Variants in ZNF284 observed in about 807,000 individuals in gnomAD.
The protein encoded by ZNF284 is zinc finger protein 284.
In ZNF284, 12 loss-of-function variants were observed where a neutral mutation model predicts 12.9. The ratio of observed to expected loss-of-function variants is 0.93; its 90% CI spans 0.60 to 1.51. The LOEUF (loss-of-function observed/expected upper bound fraction) is 1.51. ZNF284 is among the 40% of genes most tolerant of loss of function. ZNF284 has a pLI of 0.00. For missense variants in ZNF284, 667 were observed against 707.3 expected (o/e 0.94, Z 0.65); for synonymous variants, 225 against 236.5 (o/e 0.95, Z 0.45).
chr19:44,083,217 A>G (rs537317337), intron 4 of ZNF284, among the ~76,000 whole-genome samples: 2 of 151,792 alleles, frequency 1.3e-5, no homozygotes, highest in Non-Finnish European at 2.9e-5. Flanking sequence ...GGCAGATAGC[A>G]TGAGGCCAGG....
At chr19:44,074,379 AAT>A (rs1474490737) in intron 1 of ZNF284, among the ~76,000 whole-genome samples, 1 of 152,150 alleles carries the variant, frequency 6.6e-6, no homozygotes, top group African/African-American at 2.4e-5. Flanking sequence ...AAAAAAAAAA[AAT>A]ATTTAACGTT....
chr19:44,074,294 A>G (rs4550576), intron 1 of ZNF284, among the ~76,000 whole-genome samples: 130,195 of 151,986 alleles, frequency 0.86, 56,204 homozygotes, highest in African/African-American at 0.9. Context: ...CGGAGGTTGC[A>G]GTGAGCCAAG....
chr19:44,089,319 A>T lies in ZNF284; in HGVS notation c.*2059A>T, dbSNP rs890224156. On this transcript the variant is annotated 3_prime_UTR_variant, in exon 5 of 5. Coordinates refer to ENST00000421176, the MANE Select transcript of ZNF284 (RefSeq NM_001037813.4). ...TCTTCTTTAGTTTCTATAACAAAAT[A>T]GTACACTGTTTCCACAAACTTGGGA... 1 of 152,138 alleles carries T rather than the reference A, an allele frequency of 6.6e-6. No individual in the cohort carries two copies. The highest frequency in any genetic ancestry group is 2.4e-5 in the African/African-American group (1 of 41,410). The allele number at this position is 152,138 out of a possible 1,614,324, so 9.4% of individuals were successfully genotyped here. A position where few individuals can be genotyped will look rare whatever the true frequency, so the allele number is the denominator to read the frequency against.
intron 2 of ZNF284, among the ~76,000 whole-genome samples, chr19:44,076,732 T>C (rs1967033489): frequency 6.6e-6 from 1 of 152,196 alleles, no homozygotes; most frequent in East Asian, 1.9e-4. Flanking sequence ...TTGATACTTA[T>C]CTAATTTAAA....
At chr19:44,072,810 C>T (rs1367856634) in intron 1 of ZNF284, among the ~76,000 whole-genome samples, 1 of 152,216 alleles carries the variant, frequency 6.6e-6, no homozygotes, top group Non-Finnish European at 1.5e-5. Context: ...TCCATTTCCA[C>T]GAAGGGAGAG....
chr19:44,077,721 G>A (rs781450803), intron 2 of ZNF284, among the ~76,000 whole-genome samples: 2 of 151,904 alleles, frequency 1.3e-5, no homozygotes, highest in Non-Finnish European at 2.9e-5. Flanking sequence ...AACCTGCTGA[G>A]GTTCAGAGAG....
intron 2 of ZNF284, among the ~76,000 whole-genome samples, chr19:44,079,184 T>C (rs1967078606): frequency 6.6e-6 from 1 of 152,220 alleles, no homozygotes. Context: ...TAAAATTAAA[T>C]ATTCATTATT....
Position 44,087,415 on chromosome 19 carries a change from G to T in ZNF284, c.*155G>T. The T allele has an allele frequency of 1.7e-6, 1 of 588,040 alleles. No individual in the cohort carries two copies. The highest frequency in any genetic ancestry group is 2.7e-6 in the Non-Finnish European group (1 of 367,108). The allele number at this position is 588,040 out of a possible 1,614,324, so 36.4% of individuals were successfully genotyped here. A position where few individuals can be genotyped will look rare whatever the true frequency, so the allele number is the denominator to read the frequency against. ...GTGCTTTGAACGTTCAAAAACTGCT[G>T]TTCTAGTTATTTGAAAATAAGTTAT... On this transcript the variant is annotated 3_prime_UTR_variant, in exon 5 of 5. Coordinates refer to ENST00000421176, the MANE Select transcript of ZNF284 (RefSeq NM_001037813.4).
At chr19:44,076,286 T>C (rs1375677513) in intron 1 of ZNF284, 36 bp from the exon 2 acceptor site, 4 of 1,204,244 alleles carry the variant, frequency 3.3e-6, no homozygotes, top group Admixed American at 2.2e-5. Context: ...CCTTCATGTC[T>C]CTTTTTTTTT....
In ZNF284 at chr19:44,086,974, G is replaced by A. The variant is rs368080163; in HGVS notation, c.1496G>A (p.Arg499His). The change falls in exon 5 of 5, where the codon CGT becomes CAT. Residue 499 changes from arginine to histidine, a missense_variant. By Grantham distance (29) the Arg-to-His change is conservative. Coordinates refer to ENST00000421176, the MANE Select transcript of ZNF284 (RefSeq NM_001037813.4). ...AGGTTTACTGAGAATTCAAAACTTC[G>A]TTTCCATCAAAGAATTCACACTGGA... is the stretch of plus-strand genomic sequence containing the variant. ...GKRFTENSKL[R>H]FHQRIHTGEK... The A allele has an allele frequency of 2.0e-5, 32 of 1,613,980 alleles. No individual in the cohort carries two copies. The highest frequency in any genetic ancestry group is 6.7e-5 in the East Asian group (3 of 44,878).
rs1967242950 is a variant in ZNF284, at chr19:44,086,240, A to G, written c.762A>G (p.Thr254=). ...SGMYVHCKLH[T]GEKPHICEEC... ...TGTATGTTCATTGCAAATTACACAC[A>G]GGAGAAAAACCTCATATTTGTGAGG... Residue 254 remains threonine, a synonymous_variant, in exon 5 of 5, where the codon ACA becomes ACG. Transcript: ENST00000421176. The G allele has an allele frequency of 3.7e-6, 6 of 1,614,130 alleles. No individual in the cohort carries two copies. Among genetic ancestry groups the G allele is most frequent in the Non-Finnish European group, 5.1e-6 (6 of 1,180,046 alleles).
rs193163502 is a variant in ZNF284, at chr19:44,082,067, G to A, written c.197G>A (p.Trp66Ter). The A allele has an allele frequency of 1.2e-6, 2 of 1,613,380 alleles. No individual in the cohort carries two copies. The highest frequency in any genetic ancestry group is 2.2e-5 in the East Asian group (1 of 44,820). ...CACTTCCAAAGAGAAGAAAAGTTTT[G>A]GATCATGGAGACAGCAACCCAAAGA... ...TFHFQREEKF[W>*]IMETATQREG... The change falls in exon 4 of 5, where the codon TGG becomes TAG. Residue 66 changes from tryptophan (W) to a stop codon, truncating the protein, a stop_gained. Coordinates refer to ENST00000421176, the MANE Select transcript of ZNF284 (RefSeq NM_001037813.4). LOFTEE classifies it low-confidence loss of function (END_TRUNC).
chr19:44,073,300 T>C (rs1441158325), intron 1 of ZNF284, among the ~76,000 whole-genome samples: 1 of 152,098 alleles, frequency 6.6e-6, no homozygotes, highest in African/African-American at 2.4e-5. Flanking sequence ...TGGAATCTAG[T>C]GGGGAAAGCA....
At chr19:44,076,239 C>T (rs1967023593) in intron 1 of ZNF284, 83 bp from the exon 2 acceptor site, 1 of 664,488 alleles carries the variant, frequency 1.5e-6, no homozygotes, top group African/African-American at 1.8e-5. Flanking sequence ...TAATTCACAA[C>T]ACATGTTCAT....
chr19:44,086,595 T>C lies in ZNF284; in HGVS notation c.1117T>C (p.Cys373Arg). 1.2e-6 allele frequency: 2 copies of C among 1,614,204 alleles called. No homozygotes were observed. The highest frequency in any genetic ancestry group is 1.1e-5 in the South Asian group (1 of 91,088). ...MDHTGDKPYN[C>R]NVCGKGFRWS... ...CCATACAGGAGACAAACCATATAAT[T>C]GTAATGTATGTGGGAAGGGCTTCAG... The change falls in exon 5 of 5, where the codon TGT becomes CGT. Residue 373 changes from cysteine to arginine, a missense_variant. Cys to Arg is a radical substitution (Grantham distance 180). Transcript: ENST00000421176.
intron 4 of ZNF284, among the ~76,000 whole-genome samples, chr19:44,083,120 A>C (rs1967153919): frequency 2.0e-5 from 3 of 151,974 alleles, no homozygotes; most frequent in Admixed American, 6.6e-5. Flanking sequence ...TATCATGAGA[A>C]AGGCCTTCTC....
At chr19:44,082,286 C>T (rs1206005397) in intron 4 of ZNF284, among the ~76,000 whole-genome samples, 181 bp downstream of exon 4, 1 of 152,158 alleles carries the variant, frequency 6.6e-6, no homozygotes, top group Non-Finnish European at 1.5e-5. Flanking sequence ...CTGTTTTCCT[C>T]ATAGCAGCCA....
chr19:44,088,133 GA>G lies in ZNF284; in HGVS notation c.*875del, dbSNP rs1455140911. On this transcript the variant is annotated 3_prime_UTR_variant, in exon 5 of 5. Transcript: ENST00000421176. ...TCACCACATTGGCCAGGCTAGCCTT[GA>G]ACTCCCAAACTCAAATGGTCCACCT... 2 of 152,104 alleles carry G rather than the reference GA, an allele frequency of 1.3e-5. No individual in the cohort carries two copies. The highest frequency in any genetic ancestry group is 1.5e-5 in the Non-Finnish European group (1 of 68,048). The allele number at this position is 152,104 out of a possible 1,614,324, so 9.4% of individuals were successfully genotyped here.
intron 1 of ZNF284, among the ~76,000 whole-genome samples, chr19:44,075,911 G>C (rs1347485063): frequency 1.3e-5 from 2 of 152,162 alleles, no homozygotes; most frequent in Non-Finnish European, 2.9e-5. Context: ...CCCATTTATA[G>C]TTAAACCTCA....
Sources: allele counts gnomAD v4.1 joint callset (sites outside exome capture counted in the v4.1 genomes callset), GRCh38; gene constraint gnomAD v4.1.1; transcripts MANE v1.5; gene names NCBI Gene and HGNC (gene_info 2026-07-23, HGNC 2026-07-21).